The following NAGLU variants were observed in gnomAD, a reference collection of about 807,000 sequenced individuals.
NAGLU encodes N-acetyl-alpha-glucosaminidase.
A neutral mutation model predicts 43.4 loss-of-function variants in NAGLU; 34 were observed. The observed-to-expected ratio is 0.78, with a 90% CI of 0.60 to 1.04. The LOEUF (loss-of-function observed/expected upper bound fraction) is 1.04, where lower values mean the gene tolerates loss of function less well. NAGLU is among the 50% of genes least tolerant of loss of function. NAGLU has a pLI of 0.00. For synonymous variants in NAGLU, 425 were observed against 437.6 expected (o/e 0.97, Z 0.36); for missense variants, 910 against 993.7 (o/e 0.92, Z 1.13).
intron 2 of NAGLU, among the ~76,000 whole-genome samples, chr17:42,537,805 G>A (rs552841359): frequency 6.0e-5 from 9 of 149,990 alleles, no homozygotes; most frequent in Admixed American, 1.3e-4. Context: ...GTGAAACCCC[G>A]TCTCTACTAA....
rs760963866 is a variant in NAGLU at position 42,536,669 on chromosome 17, G to A, written c.383+14G>A. The A allele has an allele frequency of 6.7e-7, 1 of 1,486,154 alleles. No individual in the cohort carries two copies. Among genetic ancestry groups the A allele is most frequent in the South Asian group, 1.3e-5 (1 of 79,780 alleles). The allele number at this position is 1,486,154 out of a possible 1,614,324, so 92.1% of individuals were successfully genotyped here. A position where few individuals can be genotyped will look rare whatever the true frequency, so the allele number is the denominator to read the frequency against. The stretch of plus-strand genomic sequence containing the variant: ...CACGCCCAACAGGTACCGCCCCGAA[G>A]CTTCCCCGCGTCCGCCCGAGGCGCT... On this transcript the variant is annotated intron_variant, in intron 1 of 5. Transcript: ENST00000225927.
chr17:42,537,403 G>A lies in NAGLU; in HGVS notation c.389G>A (p.Arg130His), dbSNP rs774738397. The change falls in exon 2 of 6, where the codon CGC (arginine) becomes CAC (histidine). Residue 130 changes from arginine (R) to histidine (H), a missense_variant. By Grantham distance (29) the Arg-to-His change is conservative. Transcript: ENST00000225927. The part of the protein sequence containing the change: ...ELTEATPNRY[R>H]YYQNVCTQSY... ...GCTCATGACACTGCCCGCAGGTACC[G>A]CTATTACCAGAATGTGTGCACGCAA... is the stretch of plus-strand genomic sequence containing the variant. 1.2e-6 allele frequency: 2 copies of A among 1,614,156 alleles called. No homozygotes were observed. Among genetic ancestry groups the A allele is most frequent in the Non-Finnish European group, 1.7e-6 (2 of 1,179,982 alleles).
Position 42,543,906 on chromosome 17 carries a change from G to A in NAGLU, c.1900G>A (p.Glu634Lys), listed in dbSNP as rs147036053. The A allele has an allele frequency of 1.9e-5, 31 of 1,605,834 alleles. No individual in the cohort carries two copies. Among genetic ancestry groups the A allele is most frequent in the Non-Finnish European group, 2.4e-5 (28 of 1,176,530 alleles). Residue 634 changes from glutamate (E) to lysine (K), a missense_variant, in exon 6 of 6, where the codon GAG becomes AAG. Glu to Lys is a moderately conservative substitution (Grantham distance 56). Transcript: ENST00000225927. ...CCGAGCAGCGGCAGTCAGTGAGGCC[G>A]AGGCCGATTTCTACGAGCAGAACAG... The part of the protein sequence containing the change: ...QARAAAVSEA[E>K]ADFYEQNSRY...
At chr17:42,538,520 T>C in intron 3 of NAGLU, 35 bp downstream of exon 3, 1 of 1,613,450 alleles carries the variant, frequency 6.2e-7, no homozygotes, top group Non-Finnish European at 8.5e-7. Flanking sequence ...GCAGAATCGG[T>C]GATAGATGGT....
Position 42,536,557 on chromosome 17 carries a change from C to T in NAGLU, c.285C>T (p.Asp95=). 2 of 1,477,064 alleles carry T rather than the reference C, an allele frequency of 1.4e-6. No individual in the cohort carries two copies. Among genetic ancestry groups the T allele is most frequent in the South Asian group, 1.3e-5 (1 of 77,358 alleles). The allele number at this position is 1,477,064 out of a possible 1,614,324, so 91.5% of individuals were successfully genotyped here. The change falls in exon 1 of 6, where the codon GAC becomes GAT. Residue 95 remains aspartate (D), a synonymous_variant. Coordinates refer to ENST00000225927, the MANE Select transcript of NAGLU (RefSeq NM_000263.4). ...AAAGLHRYLR[D]FCGCHVAWSG... is the part of the protein sequence containing the mutation. ...CGGGGCTGCACCGCTACCTGCGCGACTTCTGTGGCTGCCACGTGGCCTGGT... is the reference window on the plus strand; with the variant it reads ...CGGGGCTGCACCGCTACCTGCGCGATTTCTGTGGCTGCCACGTGGCCTGGT...
At chr17:42,542,181 G>C (rs1235773377) in intron 5 of NAGLU, among the ~76,000 whole-genome samples, 1 of 151,966 alleles carries the variant, frequency 6.6e-6, no homozygotes, top group Non-Finnish European at 1.5e-5. Flanking sequence ...TCCTGCCTCA[G>C]CCTCCTGAGT....
At chr17:42,537,748 C>T (rs548539667) in intron 2 of NAGLU, among the ~76,000 whole-genome samples, 3 of 151,670 alleles carry the variant, frequency 2.0e-5, no homozygotes, top group East Asian at 3.9e-4. Flanking sequence ...GAGGCCTAGG[C>T]GGGCGGATCA....
chr17:42,543,581 G>T lies in NAGLU; in HGVS notation c.1575G>T (p.Met525Ile), dbSNP rs902332229. ...SPLVRRPSLQ[M>I]NTSIWYNRSD... is the part of the protein sequence containing the mutation. The stretch of plus-strand genomic sequence containing the variant: ...TGGTCAGGCGGCCGTCCCTACAGAT[G>T]AATACCAGCATCTGGTACAACCGAT... The change falls in exon 6 of 6, where the codon ATG becomes ATT. Residue 525 changes from methionine (M) to isoleucine (I), a missense_variant. Coordinates refer to ENST00000225927, the MANE Select transcript of NAGLU (RefSeq NM_000263.4). 4 of 1,612,888 alleles carry T rather than the reference G, an allele frequency of 2.5e-6. No individual in the cohort carries two copies. The highest frequency in any genetic ancestry group is 1.3e-5 in the African/African-American group (1 of 75,072).
At chr17:42,540,866 T>C (rs1432733676) in intron 4 of NAGLU, 84 bp from the exon 5 acceptor site, 3 of 1,596,124 alleles carry the variant, frequency 1.9e-6, no homozygotes, top group Non-Finnish European at 8.6e-7. Context: ...CCAGGAGCTG[T>C]AGAGAAGTTG....
Position 42,538,709 on chromosome 17 carries a change from C to G in NAGLU, c.718C>G (p.Pro240Ala). The change falls in exon 4 of 6, where the codon CCA (proline) becomes GCA (alanine). Residue 240 changes from proline (P) to alanine (A), a missense_variant. Transcript: ENST00000225927. ...CCAGATGCGCTCCTTCGGCATGACC[C>G]CAGTGCTGCCTGCATTCGCGGGGCA... ...LDQMRSFGMT[P>A]VLPAFAGHVP... is the part of the protein sequence containing the mutation. 1 of 1,614,038 alleles carries G rather than the reference C, an allele frequency of 6.2e-7. No homozygotes were observed. Among genetic ancestry groups the G allele is most frequent in the Non-Finnish European group, 8.5e-7 (1 of 1,180,034 alleles).
At position 42,536,652 on chromosome 17, in the gene NAGLU, A is replaced by G; in HGVS notation, c.380A>G (p.Asn127Ser). ...VPGELTEATP[N>S]RYRYYQNVCT... ...GGGGAGCTGACCGAGGCCACGCCCAACAGGTACCGCCCCGAAGCTTCCCCG... is the reference window on the plus strand; with the variant it reads ...GGGGAGCTGACCGAGGCCACGCCCAGCAGGTACCGCCCCGAAGCTTCCCCG... The change falls in exon 1 of 6, where the codon AAC becomes AGC. Residue 127 changes from asparagine (N) to serine (S), a missense_variant. Transcript: ENST00000225927. The G allele has an allele frequency of 3.3e-6, 5 of 1,499,918 alleles. No homozygotes were observed. Among genetic ancestry groups the G allele is most frequent in the Non-Finnish European group, 4.4e-6 (5 of 1,131,428 alleles). 92.9% of individuals were successfully genotyped at this position (1,499,918 alleles called of 1,614,324 possible).
Position 42,543,622 on chromosome 17 carries a change from C to T in NAGLU, c.1616C>T (p.Ala539Val). The T allele has an allele frequency of 6.2e-7, 1 of 1,613,182 alleles. No homozygotes were observed. The change falls in exon 6 of 6, where the codon GCC becomes GTC. Residue 539 changes from alanine to valine, a missense_variant. Ala to Val is a moderately conservative substitution (Grantham distance 64, BLOSUM62 0). Coordinates refer to ENST00000225927, the MANE Select transcript of NAGLU (RefSeq NM_000263.4). ...IWYNRSDVFE[A>V]WRLLLTSAPS... The stretch of plus-strand genomic sequence containing the variant: ...TACAACCGATCTGATGTGTTTGAGG[C>T]CTGGCGGCTGCTGCTCACATCTGCT...
intron 1 of NAGLU, 97 bp downstream of exon 1, chr17:42,536,752 C>T: frequency 7.5e-7 from 1 of 1,340,352 alleles, no homozygotes; most frequent in Non-Finnish European, 9.6e-7. Context: ...GAGCGCTGGC[C>T]GGAAGGCCCA....
In NAGLU at chr17:42,538,715, C is replaced by T. The variant is rs2092913883; in HGVS notation, c.724C>T (p.Leu242=). The change falls in exon 4 of 6, where the codon CTG becomes TTG. Residue 242 remains leucine (L), a synonymous_variant. Transcript: ENST00000225927. ...QMRSFGMTPV[L]PAFAGHVPEA... ...GCGCTCCTTCGGCATGACCCCAGTGCTGCCTGCATTCGCGGGGCATGTTCC... is the reference window on the plus strand; with the variant it reads ...GCGCTCCTTCGGCATGACCCCAGTGTTGCCTGCATTCGCGGGGCATGTTCC... 1 of 1,613,956 alleles carries T rather than the reference C, an allele frequency of 6.2e-7. No homozygotes were observed. The highest frequency in any genetic ancestry group is 1.7e-5 in the Admixed American group (1 of 60,012).
At position 42,536,296 on chromosome 17, in the gene NAGLU, G is replaced by C; in HGVS notation, c.24G>C (p.Ala8=). MEAVAVA[A]AVGVLLLAGA... ...CCATGGAGGCGGTGGCGGTGGCCGC[G>C]GCGGTGGGGGTCCTTCTCCTGGCCG... Residue 8 remains alanine (A), a synonymous_variant, in exon 1 of 6, where the codon GCG becomes GCC. Coordinates refer to ENST00000225927, the MANE Select transcript of NAGLU (RefSeq NM_000263.4). 2 of 1,218,266 alleles carry C rather than the reference G, an allele frequency of 1.6e-6. No homozygotes were observed. The highest frequency in any genetic ancestry group is 2.0e-6 in the Non-Finnish European group (2 of 979,288). 75.5% of individuals were successfully genotyped at this position (1,218,266 alleles called of 1,614,324 possible). A position where few individuals can be genotyped will look rare whatever the true frequency, so the allele number is the denominator to read the frequency against.
At position 42,543,789 on chromosome 17, in the gene NAGLU, G is replaced by A. The variant is rs773277748; in HGVS notation, c.1783G>A (p.Gly595Arg). Residue 595 changes from glycine (G) to arginine (R), a missense_variant, in exon 6 of 6, where the codon GGA (glycine) becomes AGA (arginine). Coordinates refer to ENST00000225927, the MANE Select transcript of NAGLU (RefSeq NM_000263.4). Reference sequence around the variant, plus strand: ...GGAGCTGGCCTCCCTGTTGAGGGCTGGAGGCGTCCTGGCCTATGAGCTGCT... The same window carrying A: ...GGAGCTGGCCTCCCTGTTGAGGGCTAGAGGCGTCCTGGCCTATGAGCTGCT... ...SKELASLLRA[G>R]GVLAYELLPA... The A allele has an allele frequency of 5.0e-6, 8 of 1,609,506 alleles. No individual in the cohort carries two copies. The East Asian group carries it at 1.6e-4, about 31-fold the overall frequency.
At chr17:42,540,644 T>C (rs1166652167) in intron 4 of NAGLU, among the ~76,000 whole-genome samples, 1 of 142,106 alleles carries the variant, frequency 7.0e-6, no homozygotes, top group African/African-American at 2.7e-5. Context: ...TGCAGTGAGC[T>C]GAGAATGCGC....
chr17:42,543,402 G>A lies in NAGLU; in HGVS notation c.1396G>A (p.Asp466Asn). Reference sequence around the variant, plus strand: ...CATGGCTGAGCTGGGCTGGCGAAAGGACCCAGTGCCAGATTTGGCAGCCTG... The same window carrying A: ...CATGGCTGAGCTGGGCTGGCGAAAGAACCCAGTGCCAGATTTGGCAGCCTG... Reference protein sequence around the residue: ...SLMAELGWRKDPVPDLAAWVT... With the variant: ...SLMAELGWRKNPVPDLAAWVT... Residue 466 changes from aspartate (D) to asparagine (N), a missense_variant, in exon 6 of 6, where the codon GAC becomes AAC. Asp to Asn is a conservative substitution (Grantham distance 23). Transcript: ENST00000225927. The A allele has an allele frequency of 6.2e-7, 1 of 1,606,332 alleles. No homozygotes were observed. Among genetic ancestry groups the A allele is most frequent in the Non-Finnish European group, 8.5e-7 (1 of 1,177,008 alleles).
chr17:42,543,965 C>T lies in NAGLU; in HGVS notation c.1959C>T (p.Gly653=), dbSNP rs2092929981. ...AGCTGACCTTGTGGGGGCCAGAAGG[C>T]AACATCCTGGACTATGCCAACAAGC... The part of the protein sequence containing the change: ...RYQLTLWGPE[G]NILDYANKQL... Residue 653 remains glycine, a synonymous_variant, in exon 6 of 6, where the codon GGC becomes GGT. Coordinates refer to ENST00000225927, the MANE Select transcript of NAGLU (RefSeq NM_000263.4). 6.2e-6 allele frequency: 10 copies of T among 1,610,186 alleles called. No homozygotes were observed. The highest frequency in any genetic ancestry group is 8.5e-6 in the Non-Finnish European group (10 of 1,178,282).
Sources: gnomAD v4.1 joint callset for allele counts (sites outside exome capture counted in the v4.1 genomes callset) on GRCh38, gnomAD v4.1.1 for gene constraint, MANE v1.5 for transcripts, NCBI Gene and HGNC (gene_info 2026-07-23, HGNC 2026-07-21) for gene names.